Variants in CADPS2 observed in about 807,000 individuals in gnomAD.
The protein encoded by CADPS2 is calcium dependent secretion activator 2, also known as calcium-dependent secretion activator 2.
CADPS2 carries 93 observed loss-of-function variants against 172.5 expected under a neutral mutation model. The ratio of observed to expected loss-of-function variants is 0.54; its 90% confidence interval spans 0.46 to 0.64. The LOEUF (loss-of-function observed/expected upper bound fraction) is 0.64, where lower values mean the gene tolerates loss of function less well. Ranked by LOEUF, CADPS2 falls within the 30% of genes least tolerant of loss-of-function variation. The pLI is 0.00. For synonymous variants in CADPS2, 546 were observed against 555.2 expected, an observed-to-expected ratio of 0.98 and a Z score of 0.23; for missense variants, 1,420 against 1,565.9, an observed-to-expected ratio of 0.91 and a Z score of 1.57.
chr7:122,523,339 CAATA>C (rs1435317115), intron 8 of CADPS2, among the ~76,000 whole-genome samples: 7 of 152,148 alleles, frequency 4.6e-5, no homozygotes, highest in African/African-American at 1.4e-4. Context: ...ATGTAGTTTT[CAATA>C]AATATAAGCC....
intron 9 of CADPS2, among the ~76,000 whole-genome samples, chr7:122,491,951 T>C (rs1435094335): frequency 2.0e-5 from 3 of 152,078 alleles, no homozygotes; most frequent in Admixed American, 2.0e-4. Context: ...GGCGGGCAGA[T>C]CACGAGGTCA....
chr7:122,651,666 A>G (rs2471189), intron 3 of CADPS2, among the ~76,000 whole-genome samples: 78,480 of 151,904 alleles, frequency 0.52, 20,557 homozygotes, highest in East Asian at 0.72. Flanking sequence ...ACAAGATCTC[A>G]GTTAACTTTG....
At position 122,798,000 on chromosome 7, in the gene CADPS2, GT is replaced by G. The variant is rs200067009; in HGVS notation, c.340-60933del. Among the ~76,000 whole-genome samples, 499 of 146,410 alleles carry G rather than the reference GT, an allele frequency of 3.4e-3. 4 individuals carry two copies. The highest frequency in any genetic ancestry group is 0.012 in the African/African-American group (461 of 39,898). On this transcript the variant is annotated intron_variant, in intron 1 of 29. Coordinates refer to ENST00000449022, the MANE Select transcript of CADPS2 (RefSeq NM_017954.11). ...ATTTGTGTCAAGTTTTTTTGTGCAGGTTTTTTTTTTCAATGTTATATATCAA... is the reference window on the plus strand; with the variant it reads ...ATTTGTGTCAAGTTTTTTTGTGCAGGTTTTTTTTTCAATGTTATATATCAA...
intron 2 of CADPS2, among the ~76,000 whole-genome samples, chr7:122,667,172 T>C (rs550805404): frequency 1.2e-4 from 19 of 152,230 alleles, no homozygotes; most frequent in South Asian, 2.1e-4. Context: ...ATTGTCCCTA[T>C]AGGAAAATAT....
At chr7:122,788,468 A>G (rs1794551960) in intron 1 of CADPS2, among the ~76,000 whole-genome samples, 1 of 152,182 alleles carries the variant, frequency 6.6e-6, no homozygotes, top group African/African-American at 2.4e-5. Context: ...ATTGATGCAA[A>G]TTGTGTGACC....
chr7:122,686,408 T>C (rs77082944), intron 2 of CADPS2, among the ~76,000 whole-genome samples: 9 of 152,214 alleles, frequency 5.9e-5, no homozygotes, highest in African/African-American at 2.2e-4. Flanking sequence ...ATACTATTTT[T>C]ATTACAGCTG....
At chr7:122,358,300 C>G (rs2039685136) in intron 27 of CADPS2, among the ~76,000 whole-genome samples, 1 of 152,062 alleles carries the variant, frequency 6.6e-6, no homozygotes, top group Admixed American at 6.5e-5. Flanking sequence ...GATCTTTTGC[C>G]CATTTAAAAA....
At chr7:122,513,463 C>A in intron 8 of CADPS2, 148 bp from the exon 9 acceptor site, 1 of 619,552 alleles carries the variant, frequency 1.6e-6, no homozygotes, top group Non-Finnish European at 2.9e-6. Context: ...CAACCTGCAG[C>A]TTCTGTGATA....
chr7:122,409,725 T>C lies in CADPS2; in HGVS notation c.2590-2029A>G, dbSNP rs1425401049. 1.4e-5 allele frequency: 6 copies of C among 429,410 alleles called. No individual in the cohort carries two copies. The East Asian group carries it at 4.4e-4, about 31-fold the overall frequency. The allele number at this position is 429,410 out of a possible 1,614,324, so 26.6% of individuals were successfully genotyped here. On this transcript the variant is annotated intron_variant, in intron 19 of 29. Transcript: ENST00000449022. ...AATACAGGGTCTTGTCTACAACCTG[T>C]CCCCTTCTCTTTCTTGCCATCCCAC...
At chr7:122,841,615 C>G (rs1043983696) in intron 1 of CADPS2, among the ~76,000 whole-genome samples, 4 of 152,094 alleles carry the variant, frequency 2.6e-5, no homozygotes, top group African/African-American at 9.6e-5. Flanking sequence ...CAAGCTTTGC[C>G]GCAAGAGTAG....
chr7:122,702,651 C>G (rs370211791), intron 2 of CADPS2: 25 of 1,613,266 alleles, frequency 1.5e-5, no homozygotes, highest in Non-Finnish European at 1.9e-5. Context: ...ATGGCTTTTC[C>G]GTTTGAGTCA....
intron 7 of CADPS2, among the ~76,000 whole-genome samples, chr7:122,571,229 CA>C (rs2067216703): frequency 6.6e-6 from 1 of 151,836 alleles, no homozygotes; most frequent in African/African-American, 2.4e-5. Context: ...CTGCAGATGG[CA>C]AAAAGATGCT....
intron 3 of CADPS2, among the ~76,000 whole-genome samples, chr7:122,646,317 A>C (rs1025618627): frequency 6.6e-6 from 1 of 152,146 alleles, no homozygotes; most frequent in South Asian, 2.1e-4. Context: ...TTGATGTTTA[A>C]GTTGTTAAAA....
chr7:122,397,359 T>C (rs750643597), intron 20 of CADPS2, among the ~76,000 whole-genome samples: 8 of 149,950 alleles, frequency 5.3e-5, no homozygotes, highest in Non-Finnish European at 1.2e-4. Context: ...TTTTAGAAAA[T>C]TGGCAGTATT....
rs142515876 is a variant in CADPS2 at position 122,602,009 on chromosome 7, A to C, written c.1223+13172T>G. On this transcript the variant is annotated intron_variant, in intron 6 of 29. Transcript: ENST00000449022. The stretch of plus-strand genomic sequence containing the variant: ...CTTACTAAATAACTTACTGACAAAA[A>C]ATGTATAAATAAAAGGAGAAAAATC... 6.6e-3 allele frequency among the ~76,000 whole-genome samples: 1,003 copies of C among 152,124 alleles called. 3 individuals are homozygous for C. The highest frequency in any genetic ancestry group is 0.014 in the Middle Eastern group (4 of 294).
chr7:122,559,032 C>T (rs1282187126), intron 7 of CADPS2, among the ~76,000 whole-genome samples: 1 of 152,092 alleles, frequency 6.6e-6, no homozygotes, highest in African/African-American at 2.4e-5. Flanking sequence ...ACCCTGGGAC[C>T]ACAATAATTG....
At chr7:122,647,882 T>C (rs2078731691) in intron 3 of CADPS2, among the ~76,000 whole-genome samples, 1 of 152,206 alleles carries the variant, frequency 6.6e-6, no homozygotes, top group Non-Finnish European at 1.5e-5. Context: ...ATGTACTGTA[T>C]AGAAGGAATT....
At chr7:122,401,863 A>G (rs2045995967) in intron 20 of CADPS2, among the ~76,000 whole-genome samples, 1 of 152,038 alleles carries the variant, frequency 6.6e-6, no homozygotes, top group Admixed American at 6.6e-5. Context: ...GGGGTGGGAC[A>G]TTGGGGACAG....
chr7:122,837,616 A>G (rs1563142246), intron 1 of CADPS2, among the ~76,000 whole-genome samples: 1 of 152,244 alleles, frequency 6.6e-6, no homozygotes, highest in Non-Finnish European at 1.5e-5. Context: ...GATCCCACAG[A>G]AATACAAACT....
Sources: gnomAD v4.1 joint callset for allele counts (sites outside exome capture counted in the v4.1 genomes callset) on GRCh38, gnomAD v4.1.1 for gene constraint, MANE v1.5 for transcripts, NCBI Gene and HGNC (gene_info 2026-07-23, HGNC 2026-07-21) for gene names.